IL17RA: variants seen among roughly 807,000 people sequenced by gnomAD.
The protein encoded by IL17RA is interleukin-17 receptor A.
Under a neutral mutation model 50.4 loss-of-function variants are expected in IL17RA, and 34 were observed. The observed-to-expected ratio is 0.67, with a 90% CI of 0.51 to 0.90. IL17RA has a LOEUF of 0.90. IL17RA is among the 40% of genes least tolerant of loss of function. The pLI, the probability that IL17RA is intolerant of heterozygous loss-of-function variation, is 0.00. For synonymous variants in IL17RA, 585 were observed against 510.4 expected (o/e 1.15, Z -1.97); for missense variants, 1,276 against 1,169.8 (o/e 1.09, Z -1.32).
Position 17,109,525 on chromosome 22 carries a change from G to A in IL17RA, c.2306G>A (p.Ser769Asn), listed in dbSNP as rs1468942722. Residue 769 changes from serine (S) to asparagine (N), a missense_variant, in exon 13 of 13, where the codon AGT becomes AAT. Transcript: ENST00000319363. ...SLSCQAQGGC[S>N]RPAMVLTDPH... ...AGCTGCCAGGCCCAGGGGGGCTGCA[G>A]TAGACCCGCCATGGTCCTCACAGAC... The A allele has an allele frequency of 1.3e-6, 2 of 1,595,560 alleles. No homozygotes were observed. The highest frequency in any genetic ancestry group is 1.7e-5 in the Admixed American group (1 of 57,410).
rs41372049 is a variant in IL17RA at position 17,108,262 on chromosome 22, T to G, written c.1088-45T>G. 0.14 allele frequency: 228,218 copies of G among 1,598,006 alleles called. 17,377 individuals are homozygous for G. The highest frequency in any genetic ancestry group is 0.16 in the Non-Finnish European group (182,578 of 1,167,502). On this transcript the variant is annotated intron_variant, in intron 12 of 12. Transcript: ENST00000319363. The stretch of plus-strand genomic sequence containing the variant: ...TGGGCTGGCAGGCACAGAGCTGCCC[T>G]GGGCCCTGGGGTGAGGGTCAGCATG...
intron 1 of IL17RA, among the ~76,000 whole-genome samples, chr22:17,086,551 G>A (rs553520156): frequency 3.5e-4 from 53 of 152,252 alleles, no homozygotes; most frequent in South Asian, 1.9e-3. Context: ...TGCCTGCAGA[G>A]TACAGGGCGC....
Position 17,108,367 on chromosome 22 carries a change from T to C in IL17RA, c.1148T>C (p.Ile383Thr). The change falls in exon 13 of 13, where the codon ATC (isoleucine) becomes ACC (threonine). Residue 383 changes from isoleucine (I) to threonine (T), a missense_variant. Transcript: ENST00000319363. The part of the protein sequence containing the change: ...PPLKPRKVWI[I>T]YSADHPLYVD... ...CTGAAGCCCAGGAAGGTCTGGATCATCTACTCAGCCGACCACCCCCTCTAC... is the reference window on the plus strand; with the variant it reads ...CTGAAGCCCAGGAAGGTCTGGATCACCTACTCAGCCGACCACCCCCTCTAC... 6.2e-7 allele frequency: 1 copy of C among 1,614,072 alleles called. No homozygotes were observed. The highest frequency in any genetic ancestry group is 2.2e-5 in the East Asian group (1 of 44,872).
In IL17RA at chr22:17,102,332, A is replaced by G. The variant is rs1489538188; in HGVS notation, c.762+30A>G. 3.1e-6 allele frequency: 5 copies of G among 1,612,718 alleles called. No homozygotes were observed. The African/African-American group carries it at 4.0e-5, about 13-fold the overall frequency. The stretch of plus-strand genomic sequence containing the variant: ...CTCTGCTCTTTTTGACCCCTCTAGC[A>G]TAGCTCAGGACCACCCCTCCAAGCC... On this transcript the variant is annotated intron_variant, in intron 7 of 12. Transcript: ENST00000319363.
rs745329193 is a variant in IL17RA, at chr22:17,108,331, T to A, written c.1112T>A (p.Ile371Asn). 1 of 1,613,812 alleles carries A rather than the reference T, an allele frequency of 6.2e-7. No homozygotes were observed. Among genetic ancestry groups the A allele is most frequent in the Admixed American group, 1.7e-5 (1 of 59,988 alleles). ...YTDGLPAADL[I>N]PPPLKPRKVW... is the part of the protein sequence containing the mutation. Reference sequence around the variant, plus strand: ...GATGGCCTGCCTGCGGCTGACCTGATCCCCCCACCGCTGAAGCCCAGGAAG... The same window carrying A: ...GATGGCCTGCCTGCGGCTGACCTGAACCCCCCACCGCTGAAGCCCAGGAAG... Residue 371 changes from isoleucine to asparagine, a missense_variant, in exon 13 of 13, where the codon ATC (isoleucine) becomes AAC (asparagine). By Grantham distance (149) the Ile-to-Asn change is moderately radical. Coordinates refer to ENST00000319363, the MANE Select transcript of IL17RA (RefSeq NM_014339.7).
chr22:17,105,523 G>T, intron 9 of IL17RA, 68 bp from the exon 10 acceptor site: 1 of 1,502,340 alleles, frequency 6.7e-7, no homozygotes, highest in South Asian at 1.1e-5. Flanking sequence ...GACGTCAGTT[G>T]TGTTTCTTGT....
chr22:17,091,147 G>T (rs535756205), intron 1 of IL17RA, among the ~76,000 whole-genome samples: 1 of 152,274 alleles, frequency 6.6e-6, no homozygotes, highest in East Asian at 1.9e-4. Flanking sequence ...CCCTCATTTT[G>T]CTGGAGAATA....
Position 17,109,736 on chromosome 22 carries a change from C to G in IL17RA, c.2517C>G (p.Leu839=). 2 of 1,567,890 alleles carry G rather than the reference C, an allele frequency of 1.3e-6. No individual in the cohort carries two copies. Among genetic ancestry groups the G allele is most frequent in the East Asian group, 4.7e-5 (2 of 42,714 alleles). ...AGGACCTGGAGAGCCTGAGGAGCCT[C>G]CAGCGGCAGCTGCTTTTCCGCCAGC... ...SPEDLESLRS[L]QRQLLFRQLQ... The change falls in exon 13 of 13, where the codon CTC becomes CTG. Residue 839 remains leucine (L), a synonymous_variant. Transcript: ENST00000319363.
chr22:17,098,535 GC>G (rs1377832893), intron 3 of IL17RA, among the ~76,000 whole-genome samples: 1 of 152,212 alleles, frequency 6.6e-6, no homozygotes, highest in African/African-American at 2.4e-5. Context: ...AGTTTGCAAA[GC>G]CTTTACTTCT....
rs545676847 is a variant in IL17RA, at chr22:17,106,066, C to T, written c.1045+112C>T. On this transcript the variant is annotated intron_variant, in intron 11 of 12. Coordinates refer to ENST00000319363, the MANE Select transcript of IL17RA (RefSeq NM_014339.7). ...GAGCCTCAGCTTCTTGCTTGAGAACCACGTCATAAAGCTGTTGTAAGGACT... is the reference window on the plus strand; with the variant it reads ...GAGCCTCAGCTTCTTGCTTGAGAACTACGTCATAAAGCTGTTGTAAGGACT... 14 of 811,176 alleles carry T rather than the reference C, an allele frequency of 1.7e-5. No homozygotes were observed. In the East Asian group the frequency reaches 3.7e-4, roughly 21 times the overall value. The allele number at this position is 811,176 out of a possible 1,614,324, so 50.2% of individuals were successfully genotyped here.
Position 17,108,858 on chromosome 22 carries a change from A to G in IL17RA, c.1639A>G (p.Met547Val), listed in dbSNP as rs1226272790. ...CCTGGAGATGTTCCAGCCGGGCCGC[A>G]TGCACCGCGTAGGGGAGCTGTCGGG... ...QDLEMFQPGR[M>V]HRVGELSGDN... Residue 547 changes from methionine (M) to valine (V), a missense_variant, in exon 13 of 13, where the codon ATG becomes GTG. Coordinates refer to ENST00000319363, the MANE Select transcript of IL17RA (RefSeq NM_014339.7). 6.8e-6 allele frequency: 11 copies of G among 1,609,416 alleles called. No individual in the cohort carries two copies. The highest frequency in any genetic ancestry group is 9.3e-6 in the Non-Finnish European group (11 of 1,178,142).
chr22:17,100,185 C>G (rs527900239), intron 4 of IL17RA, among the ~76,000 whole-genome samples, 170 bp from the exon 5 acceptor site: 13 of 140,964 alleles, frequency 9.2e-5, no homozygotes, highest in Non-Finnish European at 1.9e-4. Flanking sequence ...CCAGAGGAAA[C>G]AAAAAACAAA....
chr22:17,109,416 C>T lies in IL17RA; in HGVS notation c.2197C>T (p.Pro733Ser), dbSNP rs768788527. Reference protein sequence around the residue: ...PEDSPLGSSTPMASPDLLPED... With the variant: ...PEDSPLGSSTSMASPDLLPED... The stretch of plus-strand genomic sequence containing the variant: ...GGACTCGCCCCTTGGCAGCAGCACC[C>T]CCATGGCGTCTCCTGACCTCCTTCC... The change falls in exon 13 of 13, where the codon CCC becomes TCC. Residue 733 changes from proline to serine, a missense_variant. Physicochemically the swap from Pro to Ser is moderately conservative, Grantham distance 74. Coordinates refer to ENST00000319363, the MANE Select transcript of IL17RA (RefSeq NM_014339.7). 4 of 1,613,316 alleles carry T rather than the reference C, an allele frequency of 2.5e-6. No homozygotes were observed. Among genetic ancestry groups the T allele is most frequent in the Admixed American group, 1.7e-5 (1 of 60,016 alleles).
intron 1 of IL17RA, among the ~76,000 whole-genome samples, chr22:17,095,109 T>C (rs1340974817): frequency 6.6e-6 from 1 of 152,120 alleles, no homozygotes; most frequent in African/African-American, 2.4e-5. Context: ...TGAACATAAA[T>C]CCATGCAATT....
chr22:17,105,747 G>A, intron 10 of IL17RA, 106 bp from the exon 11 acceptor site: 1 of 1,392,644 alleles, frequency 7.2e-7, no homozygotes, highest in Non-Finnish European at 1.0e-6. Context: ...GTTTGTCGTG[G>A]TGGGGCCAGA....
intron 12 of IL17RA, 81 bp from the exon 13 acceptor site, chr22:17,108,226 C>G (rs2061421854): frequency 6.9e-7 from 1 of 1,440,602 alleles, no homozygotes; most frequent in African/African-American, 1.4e-5. Context: ...TGTCCTGGTC[C>G]AGGCCCCTCC....
rs1275970492 is a variant in IL17RA at position 17,111,245 on chromosome 22, G to A, written c.*1425G>A. 4 of 152,162 alleles carry A rather than the reference G, an allele frequency of 2.6e-5. No individual in the cohort carries two copies. Among genetic ancestry groups the A allele is most frequent in the Non-Finnish European group, 4.4e-5 (3 of 68,046 alleles). The allele number at this position is 152,162 out of a possible 1,614,324, so 9.4% of individuals were successfully genotyped here. A position where few individuals can be genotyped will look rare whatever the true frequency, so the allele number is the denominator to read the frequency against. On this transcript the variant is annotated 3_prime_UTR_variant, in exon 13 of 13. Transcript: ENST00000319363. ...TCATTTATAGGAAGAGAGAAATGTC[G>A]AGGTGAAACGTAAAAGCATCTGGCA...
At position 17,085,066 on chromosome 22, in the gene IL17RA, G is replaced by C; in HGVS notation, c.-26G>C. The C allele has an allele frequency of 7.7e-7, 1 of 1,295,014 alleles. No individual in the cohort carries two copies. Among genetic ancestry groups the C allele is most frequent in the Admixed American group, 4.2e-5 (1 of 23,874 alleles). The allele number at this position is 1,295,014 out of a possible 1,614,324, so 80.2% of individuals were successfully genotyped here. On this transcript the variant is annotated 5_prime_UTR_variant, in exon 1 of 13. Transcript: ENST00000319363. ...GTTCGCTGCGTCCCCAGCCGGGGCC[G>C]AGCCCTCCGCGACGCCAGCCGGGCC... is the stretch of plus-strand genomic sequence containing the variant.
chr22:17,095,065 T>C (rs2061364038), intron 1 of IL17RA, among the ~76,000 whole-genome samples: 2 of 152,018 alleles, frequency 1.3e-5, no homozygotes, highest in African/African-American at 4.8e-5. Flanking sequence ...ACAAATCTTA[T>C]ACAAAAAGAA....
Sources: allele counts gnomAD v4.1 joint callset (sites outside exome capture counted in the v4.1 genomes callset), GRCh38; gene constraint gnomAD v4.1.1; transcripts MANE v1.5; gene names NCBI Gene and HGNC (gene_info 2026-07-23, HGNC 2026-07-21).